SLC7A14: variants seen among roughly 807,000 people sequenced by gnomAD.
SLC7A14 encodes gamma-aminobutyric acid transporter SLC7A14.
Under a neutral mutation model 60.2 loss-of-function variants are expected in SLC7A14, and 37 were observed. The observed-to-expected ratio is 0.61, with a 90% CI of 0.47 to 0.81. The LOEUF (loss-of-function observed/expected upper bound fraction) is 0.81. Among genes scored for constraint, SLC7A14 ranks in the 30% least tolerant of loss-of-function variants. SLC7A14 has a pLI of 0.00. For missense variants in SLC7A14, 886 were observed against 982.7 expected (o/e 0.90, Z 1.32); for synonymous variants, 399 against 395.8 (o/e 1.01, Z -0.10).
rs529996052 is a variant in SLC7A14, at chr3:170,495,190, T to C, written c.759+3477A>G. Reference sequence around the variant, plus strand: ...ATAAAAACATCCAAGATTTTGCTGTTTTTTTGCAAACATGTAGTGCAATTA... The same window carrying C: ...ATAAAAACATCCAAGATTTTGCTGTCTTTTTGCAAACATGTAGTGCAATTA... On this transcript the variant is annotated intron_variant, in intron 4 of 7. Coordinates refer to ENST00000231706, the MANE Select transcript of SLC7A14 (RefSeq NM_020949.3). Among the ~76,000 whole-genome samples, 4 of 152,352 alleles carry C rather than the reference T, an allele frequency of 2.6e-5. No individual in the cohort carries two copies. In the South Asian group the frequency reaches 8.3e-4, roughly 32 times the overall value.
chr3:170,548,791 T>C (rs758482376), intron 1 of SLC7A14, among the ~76,000 whole-genome samples: 1 of 152,230 alleles, frequency 6.6e-6, no homozygotes, highest in Non-Finnish European at 1.5e-5. Context: ...ACTTCTCATC[T>C]GTGAATGAGT....
intron 2 of SLC7A14, among the ~76,000 whole-genome samples, chr3:170,507,267 C>T (rs73882026): frequency 0.13 from 20,340 of 152,190 alleles, 2,470 homozygotes; most frequent in African/African-American, 0.32. Flanking sequence ...TGAGGAAGTG[C>T]AATGAATGAC....
intron 4 of SLC7A14, among the ~76,000 whole-genome samples, chr3:170,490,377 T>C (rs1388292030): frequency 6.6e-6 from 1 of 152,060 alleles, no homozygotes; most frequent in African/African-American, 2.4e-5. Flanking sequence ...CACACATACA[T>C]ACACATGCAA....
intron 3 of SLC7A14, among the ~76,000 whole-genome samples, chr3:170,500,143 G>A (rs1391690308): frequency 2.6e-5 from 4 of 152,094 alleles, no homozygotes; most frequent in Admixed American, 2.0e-4. Context: ...GAGTTTATCA[G>A]GCATCAAGAT....
chr3:170,567,335 A>G (rs1390132277), intron 1 of SLC7A14, among the ~76,000 whole-genome samples: 1 of 151,354 alleles, frequency 6.6e-6, no homozygotes, highest in African/African-American at 2.4e-5. Flanking sequence ...AAAGGACATG[A>G]ACTCATCATT....
chr3:170,472,916 T>C (rs933700597), intron 7 of SLC7A14, among the ~76,000 whole-genome samples: 2 of 152,204 alleles, frequency 1.3e-5, no homozygotes, highest in Non-Finnish European at 2.9e-5. Flanking sequence ...CCTTTAGCAA[T>C]TGAATGGGCT....
chr3:170,522,985 TG>T (rs1372176342), intron 2 of SLC7A14, among the ~76,000 whole-genome samples: 1 of 152,190 alleles, frequency 6.6e-6, no homozygotes, highest in Non-Finnish European at 1.5e-5. Context: ...TATGTGAAAT[TG>T]GAGATAATAA....
chr3:170,558,595 G>T (rs996888953), intron 1 of SLC7A14, among the ~76,000 whole-genome samples: 2 of 152,114 alleles, frequency 1.3e-5, no homozygotes, highest in Non-Finnish European at 2.9e-5. Context: ...TGTACACCAA[G>T]GTATCTGGGA....
intron 6 of SLC7A14, among the ~76,000 whole-genome samples, chr3:170,482,851 G>A (rs1273594523): frequency 1.3e-5 from 2 of 151,904 alleles, no homozygotes; most frequent in Non-Finnish European, 2.9e-5. Flanking sequence ...GGCAGCTGGT[G>A]TTGCAGGTAT....
intron 4 of SLC7A14, 142 bp from the exon 5 acceptor site, chr3:170,486,510 G>T (rs1008106387): frequency 2.0e-6 from 2 of 1,015,068 alleles, no homozygotes; most frequent in Non-Finnish European, 3.0e-6. Flanking sequence ...TGCTAAACAC[G>T]CAGGTTCTGA....
At chr3:170,470,230 C>T (rs574474097) in intron 7 of SLC7A14, among the ~76,000 whole-genome samples, 69 of 151,932 alleles carry the variant, frequency 4.5e-4, no homozygotes, top group African/African-American at 1.7e-3. Context: ...GGCTGGTTTA[C>T]AGACTATGCC....
At chr3:170,576,417 T>C (rs755136693) in intron 1 of SLC7A14, among the ~76,000 whole-genome samples, 39 of 152,246 alleles carry the variant, frequency 2.6e-4, no homozygotes, top group Admixed American at 5.9e-4. Context: ...TCTCACATTA[T>C]AGGCATATTA....
chr3:170,482,700 A>G (rs1228588075), intron 6 of SLC7A14, among the ~76,000 whole-genome samples: 2 of 152,104 alleles, frequency 1.3e-5, no homozygotes, highest in South Asian at 2.1e-4. Flanking sequence ...CTGACCTGCC[A>G]CTCAGTAGCT....
intron 7 of SLC7A14, among the ~76,000 whole-genome samples, chr3:170,471,353 A>T (rs909903417): frequency 2.6e-5 from 4 of 152,174 alleles, no homozygotes; most frequent in Non-Finnish European, 5.9e-5. Context: ...AAGTGGAGTG[A>T]ATAGGATCAT....
At chr3:170,549,708 T>A (rs1344052888) in intron 1 of SLC7A14, among the ~76,000 whole-genome samples, 2 of 152,186 alleles carry the variant, frequency 1.3e-5, no homozygotes, top group Non-Finnish European at 2.9e-5. Context: ...ACACGAAGAT[T>A]GCATCCTTTG....
intron 1 of SLC7A14, among the ~76,000 whole-genome samples, chr3:170,566,811 TA>T (rs113503595): frequency 4.3e-3 from 609 of 140,418 alleles, no homozygotes; most frequent in African/African-American, 5.9e-3. Context: ...ATAGTTCAGT[TA>T]AAAAAAAAAA....
intron 1 of SLC7A14, among the ~76,000 whole-genome samples, chr3:170,536,296 T>A (rs530499924): frequency 1.3e-5 from 2 of 152,244 alleles, no homozygotes; most frequent in African/African-American, 2.4e-5. Context: ...ACTTGGTAAT[T>A]AGCAGAAGTA....
In SLC7A14 at chr3:170,501,309, T is replaced by C. The variant is rs766102042; in HGVS notation, c.341A>G (p.Lys114Arg). The change falls in exon 3 of 8, where the codon AAG becomes AGG. Residue 114 changes from lysine to arginine, a missense_variant. Transcript: ENST00000231706. ...CYAEFGVRVPKTTGSAYTYSY... is the reference protein window; with the variant it reads ...CYAEFGVRVPRTTGSAYTYSY... Reference sequence around the variant, plus strand: ...GTAGGTGTAGGCAGATCCTGTGGTCTTGGGGACTCGAACTCCAAACTCTGC... The same window carrying C: ...GTAGGTGTAGGCAGATCCTGTGGTCCTGGGGACTCGAACTCCAAACTCTGC... The C allele has an allele frequency of 2.5e-6, 4 of 1,614,162 alleles. No individual in the cohort carries two copies. Among genetic ancestry groups the C allele is most frequent in the Admixed American group, 3.3e-5 (2 of 60,014 alleles).
intron 2 of SLC7A14, among the ~76,000 whole-genome samples, chr3:170,505,688 C>T (rs906605809): frequency 2.0e-5 from 3 of 152,108 alleles, no homozygotes; most frequent in African/African-American, 7.2e-5. Context: ...GAGTTTGAGA[C>T]CAGCCTGGCC....
Sources: gnomAD v4.1 joint callset for allele counts (sites outside exome capture counted in the v4.1 genomes callset) on GRCh38, gnomAD v4.1.1 for gene constraint, MANE v1.5 for transcripts, NCBI Gene and HGNC (gene_info 2026-07-23, HGNC 2026-07-21) for gene names.